PCDHA2: variants seen among roughly 807,000 people sequenced by gnomAD.
PCDHA2 encodes the protein protocadherin alpha 2, also known as protocadherin alpha-2.
A neutral mutation model predicts 66.0 loss-of-function variants in PCDHA2; 58 were observed. The ratio of observed to expected loss-of-function variants is 0.88; its 90% CI spans 0.71 to 1.09. The LOEUF is 1.09. Among genes scored for constraint, PCDHA2 ranks in the 50% least tolerant of loss-of-function variants. The pLI, the probability that PCDHA2 is intolerant of heterozygous loss-of-function variation, is 0.00. For synonymous variants in PCDHA2, 634 were observed against 554.0 expected, an observed-to-expected ratio of 1.14 and a Z score of -2.03; for missense variants, 1,267 against 1,242.3, an observed-to-expected ratio of 1.02 and a Z score of -0.30.
chr5:140,812,765 A>G (rs1765174507), intron 1 of PCDHA2: 1 of 152,182 alleles, frequency 6.6e-6, no homozygotes, highest in South Asian at 2.1e-4. Context: ...GCCCAGCTTA[A>G]TATTCCTTCT....
chr5:140,798,823 A>G (rs1762366284), intron 1 of PCDHA2, among the ~76,000 whole-genome samples: 1 of 152,232 alleles, frequency 6.6e-6, no homozygotes, highest in Non-Finnish European at 1.5e-5. Context: ...AACCAAAGGC[A>G]GATGTATTGC....
chr5:140,853,046 T>G (rs546337330), intron 1 of PCDHA2: 2 of 266,574 alleles, frequency 7.5e-6, no homozygotes, highest in Non-Finnish European at 1.2e-5. Flanking sequence ...GCCCGCCTAA[T>G]TTTTTTGTAT....
At chr5:140,862,414 C>T in intron 1 of PCDHA2, 2 of 351,200 alleles carry the variant, frequency 5.7e-6, no homozygotes, top group South Asian at 2.2e-5. Flanking sequence ...CTTCAAAAGG[C>T]GCTGCCCAGA....
chr5:140,929,185 GATA>G (rs1393626283), intron 1 of PCDHA2: 12 of 1,614,168 alleles, frequency 7.4e-6, no homozygotes, highest in Non-Finnish European at 1.0e-5. Flanking sequence ...ACTTGGTTCT[GATA>G]ATAACAGTTT....
At chr5:140,840,399 T>A (rs1321013469) in intron 1 of PCDHA2, among the ~76,000 whole-genome samples, 1 of 151,988 alleles carries the variant, frequency 6.6e-6, no homozygotes, top group African/African-American at 2.4e-5. Context: ...GATATGGAGT[T>A]AAGAATACTT....
chr5:141,011,102 CT>C lies in PCDHA2; in HGVS notation c.*1166del, dbSNP rs2098419453. The C allele has an allele frequency of 1.3e-5, 2 of 153,744 alleles. No homozygotes were observed. The highest frequency in any genetic ancestry group is 6.5e-5 in the Admixed American group (1 of 15,280). The allele number at this position is 153,744 out of a possible 1,614,324, so 9.5% of individuals were successfully genotyped here. On this transcript the variant is annotated 3_prime_UTR_variant, in exon 4 of 4. Transcript: ENST00000526136. ...ATGATCTCTCTTTCTCTCTCTCTCT[CT>C]CTTTTCTAAGAAACAATTATGTGCA...
intron 1 of PCDHA2, chr5:140,841,540 C>T: frequency 1.2e-6 from 2 of 1,613,694 alleles, no homozygotes; most frequent in African/African-American, 1.3e-5. Context: ...GACACCGGGA[C>T]CTTCTGGAGG....
chr5:140,872,477 A>G (rs968507113), intron 1 of PCDHA2, among the ~76,000 whole-genome samples: 3 of 152,118 alleles, frequency 2.0e-5, no homozygotes, highest in African/African-American at 7.2e-5. Flanking sequence ...AAATTAAAAA[A>G]TTAGCCAGAC....
At position 140,795,588 on chromosome 5, in the gene PCDHA2, T is replaced by G. The variant is rs1554119503; in HGVS notation, c.624T>G (p.Val208=). 2 of 1,614,234 alleles carry G rather than the reference T, an allele frequency of 1.2e-6. No individual in the cohort carries two copies. Among genetic ancestry groups the G allele is most frequent in the South Asian group, 2.2e-5 (2 of 91,088 alleles). ...KSLDREETAE[V]NLLLVATDGG... ...TGGACAGAGAGGAAACTGCTGAGGTTAATTTGTTACTGGTGGCTACTGATG... is the reference window on the plus strand; with the variant it reads ...TGGACAGAGAGGAAACTGCTGAGGTGAATTTGTTACTGGTGGCTACTGATG... Residue 208 remains valine (V), a synonymous_variant, in exon 1 of 4, where the codon GTT becomes GTG. Coordinates refer to ENST00000526136, the MANE Select transcript of PCDHA2 (RefSeq NM_018905.3).
Position 140,849,328 on chromosome 5 carries a change from T to C in PCDHA2, c.2388+51976T>C, listed in dbSNP as rs2150435086. ...GACGAAGGCTTGAATGGGGATATTA[T>C]TTACTCCTTCTCCAGTGATGTTTCT... is the stretch of plus-strand genomic sequence containing the variant. On this transcript the variant is annotated intron_variant, in intron 1 of 3. Transcript: ENST00000526136. 1,235 of 1,370,890 alleles carry C rather than the reference T, an allele frequency of 9.0e-4. 32 individuals carry two copies. In the African/African-American group the frequency reaches 0.018, roughly 20 times the overall value. 84.9% of individuals were successfully genotyped at this position (1,370,890 alleles called of 1,614,324 possible). A position where few individuals can be genotyped will look rare whatever the true frequency, so the allele number is the denominator to read the frequency against.
intron 3 of PCDHA2, among the ~76,000 whole-genome samples, chr5:140,992,017 CTGTG>C (rs10602499): frequency 0.28 from 40,265 of 145,404 alleles, 5,754 homozygotes; most frequent in East Asian, 0.38. Flanking sequence ...AGAGGTGGCT[CTGTG>C]TGTGTGTGTG....
intron 1 of PCDHA2, among the ~76,000 whole-genome samples, chr5:140,881,841 C>T (rs1386401088): frequency 6.6e-6 from 1 of 152,182 alleles, no homozygotes; most frequent in East Asian, 1.9e-4. Context: ...GCATGGAATT[C>T]TTACACATGG....
At chr5:140,829,908 G>A in intron 1 of PCDHA2, 1 of 1,614,014 alleles carries the variant, frequency 6.2e-7, no homozygotes, top group Non-Finnish European at 8.5e-7. Flanking sequence ...TACAACGCGT[G>A]GCTTTCGTAT....
chr5:140,828,044 C>T, intron 1 of PCDHA2: 1 of 1,542,076 alleles, frequency 6.5e-7, no homozygotes, highest in Non-Finnish European at 8.7e-7. Flanking sequence ...AGTATTTTAT[C>T]TTTATGCGGA....
chr5:140,853,613 A>G, intron 1 of PCDHA2: 1 of 988,108 alleles, frequency 1.0e-6, no homozygotes, highest in Non-Finnish European at 1.2e-6. Context: ...GGGGTGCTGT[A>G]AATAAGTATA....
chr5:140,950,917 A>ACT (rs1554219681), intron 1 of PCDHA2, among the ~76,000 whole-genome samples: 4 of 151,642 alleles, frequency 2.6e-5, no homozygotes, highest in African/African-American at 9.7e-5. Context: ...ATTTTATTTC[A>ACT]GTTCTTTTTC....
At chr5:141,004,100 ATCT>A (rs1241437793) in intron 3 of PCDHA2, among the ~76,000 whole-genome samples, 4 of 152,204 alleles carry the variant, frequency 2.6e-5, no homozygotes, top group Non-Finnish European at 5.9e-5. Context: ...TTCCGTTTTC[ATCT>A]TCTTCAAAAG....
chr5:140,912,640 T>C (rs181860319), intron 1 of PCDHA2, among the ~76,000 whole-genome samples: 5 of 152,296 alleles, frequency 3.3e-5, no homozygotes, highest in Non-Finnish European at 7.4e-5. Flanking sequence ...TTCAGTACTA[T>C]GTTGAATAGA....
chr5:140,829,991 A>G, intron 1 of PCDHA2: 2 of 1,613,756 alleles, frequency 1.2e-6, no homozygotes, highest in Non-Finnish European at 1.7e-6. Context: ...GATCAGCACC[A>G]CTCGTGTCCT....
Sources: gnomAD v4.1 joint callset for allele counts (sites outside exome capture counted in the v4.1 genomes callset) on GRCh38, gnomAD v4.1.1 for gene constraint, MANE v1.5 for transcripts, NCBI Gene and HGNC (gene_info 2026-07-23, HGNC 2026-07-21) for gene names.